Variants in DOK6 observed in about 807,000 individuals in gnomAD.
DOK6 encodes the protein downstream of tyrosine kinase 6.
DOK6 carries 22 observed loss-of-function variants against 44.0 expected under a neutral mutation model. That is an observed-to-expected ratio of 0.50 (90% CI 0.36 to 0.71). The LOEUF (loss-of-function observed/expected upper bound fraction) is 0.71. Among genes scored for constraint, DOK6 ranks in the 30% least tolerant of loss-of-function variants. DOK6 has a pLI of 0.00. For missense variants in DOK6, 340 were observed against 416.4 expected (o/e 0.82, Z 1.60); for synonymous variants, 166 against 145.5 (o/e 1.14, Z -1.01).
At chr18:69,508,058 T>C (rs997070758) in intron 1 of DOK6, among the ~76,000 whole-genome samples, 6 of 152,208 alleles carry the variant, frequency 3.9e-5, no homozygotes, top group Non-Finnish European at 8.8e-5. Context: ...CTTAGCTTCC[T>C]AGTATATTTT....
intron 3 of DOK6, among the ~76,000 whole-genome samples, chr18:69,625,588 C>G (rs914583498): frequency 1.3e-5 from 2 of 152,130 alleles, no homozygotes; most frequent in African/African-American, 4.8e-5. Flanking sequence ...TGTGTAAGTT[C>G]AAATCAAGAA....
At chr18:69,721,541 C>T (rs1395723114) in intron 5 of DOK6, 1 of 152,208 alleles carries the variant, frequency 6.6e-6, no homozygotes. Flanking sequence ...TTATTTTCTT[C>T]AATCACATTG....
intron 1 of DOK6, among the ~76,000 whole-genome samples, chr18:69,545,980 T>G (rs1040109677): frequency 1.3e-5 from 2 of 151,514 alleles, no homozygotes; most frequent in Non-Finnish European, 3.0e-5. Flanking sequence ...TCATGTATAT[T>G]ATTTATATAA....
chr18:69,710,985 G>A (rs1424489790), intron 5 of DOK6, among the ~76,000 whole-genome samples: 2 of 152,170 alleles, frequency 1.3e-5, no homozygotes, highest in Non-Finnish European at 2.9e-5. Flanking sequence ...TCTTAGATCT[G>A]CCCTCTAGCT....
intron 3 of DOK6, among the ~76,000 whole-genome samples, chr18:69,641,139 T>C (rs931333280): frequency 6.6e-6 from 1 of 151,348 alleles, no homozygotes; most frequent in Non-Finnish European, 1.5e-5. Flanking sequence ...CGTTTGAACC[T>C]GGGAGGCGGA....
chr18:69,484,344 A>G (rs1204592337), intron 1 of DOK6, among the ~76,000 whole-genome samples: 1 of 152,174 alleles, frequency 6.6e-6, no homozygotes, highest in Admixed American at 6.6e-5. Context: ...TCAGCTTCGT[A>G]TGCCTGCATA....
chr18:69,532,822 A>T (rs945751966), intron 1 of DOK6: 2 of 152,240 alleles, frequency 1.3e-5, no homozygotes, highest in Admixed American at 1.3e-4. Flanking sequence ...TGATCATGCC[A>T]CTGCACTCCT....
rs1978956421 is a variant in DOK6 at position 69,745,507 on chromosome 18, GA to G, written c.738+6405del. On this transcript the variant is annotated intron_variant, in intron 6 of 7. Transcript: ENST00000382713. The stretch of plus-strand genomic sequence containing the variant: ...TAAATGTAGGCCACGAAAATCTAAG[GA>G]GTTGATATAAGCATTGCCTGGGAGG... Among the ~76,000 whole-genome samples the G allele has an allele frequency of 2.0e-5, 3 of 152,152 alleles. No homozygotes were observed. The South Asian group carries it at 6.2e-4, about 31-fold the overall frequency.
chr18:69,435,375 A>G (rs1037811580), intron 1 of DOK6, among the ~76,000 whole-genome samples: 2 of 152,256 alleles, frequency 1.3e-5, no homozygotes, highest in East Asian at 3.8e-4. Context: ...AAATACAGAT[A>G]AAATATGGGT....
At chr18:69,764,944 A>G (rs1237268576) in intron 7 of DOK6, among the ~76,000 whole-genome samples, 3 of 152,198 alleles carry the variant, frequency 2.0e-5, no homozygotes, top group African/African-American at 7.2e-5. Context: ...GCACGGACAC[A>G]TACCTAATCA....
At chr18:69,412,498 G>C (rs1171607756) in intron 1 of DOK6, among the ~76,000 whole-genome samples, 1 of 152,048 alleles carries the variant, frequency 6.6e-6, no homozygotes, top group African/African-American at 2.4e-5. Flanking sequence ...CTGGGCAAGA[G>C]AATTATTTGT....
Position 69,574,008 on chromosome 18 carries a change from C to T in DOK6, c.174+9414C>T, listed in dbSNP as rs150252228. Among the ~76,000 whole-genome samples, 117 of 152,068 alleles carry T rather than the reference C, an allele frequency of 7.7e-4. 1 individual carries two copies. Among genetic ancestry groups the T allele is most frequent in the Admixed American group, 1.4e-3 (21 of 15,260 alleles). ...GAGATAAGTAACATACGGGCACATC[C>T]ATCTCTAGAAGTTGTTGCCTCTGTG... is the stretch of plus-strand genomic sequence containing the variant. On this transcript the variant is annotated intron_variant, in intron 2 of 7. Transcript: ENST00000382713.
intron 6 of DOK6, among the ~76,000 whole-genome samples, chr18:69,755,041 A>G (rs753570391): frequency 2.6e-5 from 4 of 152,222 alleles, no homozygotes; most frequent in Admixed American, 6.5e-5. Flanking sequence ...TTTTTTAAAT[A>G]CAAATTTTCC....
At chr18:69,729,911 AG>A (rs1241448986) in intron 5 of DOK6, among the ~76,000 whole-genome samples, 1 of 152,230 alleles carries the variant, frequency 6.6e-6, no homozygotes, top group Non-Finnish European at 1.5e-5. Context: ...GAATCTTTAA[AG>A]GTCAAAGAAG....
chr18:69,613,102 C>T lies in DOK6; in HGVS notation c.289+13604C>T, dbSNP rs191719873. Among the ~76,000 whole-genome samples the T allele has an allele frequency of 3.7e-4, 57 of 152,270 alleles. No individual in the cohort carries two copies. In the East Asian group the frequency reaches 0.01, roughly 28 times the overall value. On this transcript the variant is annotated intron_variant, in intron 3 of 7. Coordinates refer to ENST00000382713, the MANE Select transcript of DOK6 (RefSeq NM_152721.6). ...CTCAGGCTGGTCTCGAACTCCTGGG[C>T]TCAAGCCATCCACCCGTCTCGGCCT...
At chr18:69,829,771 G>GA (rs530182151) in intron 7 of DOK6, among the ~76,000 whole-genome samples, 84 of 143,172 alleles carry the variant, frequency 5.9e-4, no homozygotes, top group African/African-American at 1.1e-3. Flanking sequence ...CTTTCTATAG[G>GA]AAAAAAAAAA....
intron 7 of DOK6, among the ~76,000 whole-genome samples, chr18:69,816,136 A>G (rs1005409365): frequency 6.6e-6 from 1 of 152,194 alleles, no homozygotes; most frequent in African/African-American, 2.4e-5. Flanking sequence ...TTTTCAAAAC[A>G]TAAAATAGGC....
intron 1 of DOK6, among the ~76,000 whole-genome samples, chr18:69,435,981 TTTTC>T (rs559477985): frequency 2.9e-4 from 44 of 152,232 alleles, no homozygotes; most frequent in African/African-American, 1.0e-3. Flanking sequence ...TTAATCCTTC[TTTTC>T]TTTCTAATTT....
At chr18:69,481,720 T>G (rs1165575775) in intron 1 of DOK6, among the ~76,000 whole-genome samples, 1 of 152,172 alleles carries the variant, frequency 6.6e-6, no homozygotes, top group Non-Finnish European at 1.5e-5. Context: ...TGATTTATAA[T>G]CCTTTGGGTA....
Sources: allele counts gnomAD v4.1 joint callset (sites outside exome capture counted in the v4.1 genomes callset), GRCh38; gene constraint gnomAD v4.1.1; transcripts MANE v1.5; gene names NCBI Gene and HGNC (gene_info 2026-07-23, HGNC 2026-07-21).